ETV6: variants seen among roughly 807,000 people sequenced by gnomAD.
ETV6 encodes ETS variant transcription factor 6.
ETV6 carries 16 observed loss-of-function variants against 51.1 expected under a neutral mutation model. The ratio of observed to expected loss-of-function variants is 0.31; its 90% confidence interval spans 0.21 to 0.48. ETV6 has a LOEUF of 0.48. Among genes scored for constraint, ETV6 ranks in the 20% least tolerant of loss-of-function variants. ETV6 has a pLI of 0.99. For missense variants in ETV6, 458 were observed against 594.8 expected (o/e 0.77, Z 2.39); for synonymous variants, 240 against 224.1 (o/e 1.07, Z -0.64).
intron 1 of ETV6, among the ~76,000 whole-genome samples, chr12:11,650,504 A>AAAC (rs1555109541): frequency 0.057 from 5,315 of 93,980 alleles, 391 homozygotes; most frequent in Admixed American, 0.11. Context: ...AACAAAAAAC[A>AAAC]AAAAAAAAAA....
At chr12:11,754,928 C>A (rs1944985955) in intron 2 of ETV6, among the ~76,000 whole-genome samples, 1 of 152,250 alleles carries the variant, frequency 6.6e-6, no homozygotes, top group Non-Finnish European at 1.5e-5. Context: ...CTCCATGTCA[C>A]ACATAAGGGC....
At chr12:11,881,914 T>A (rs923832670) in intron 5 of ETV6, among the ~76,000 whole-genome samples, 1 of 152,228 alleles carries the variant, frequency 6.6e-6, no homozygotes, top group East Asian at 1.9e-4. Context: ...GTACTTAAGA[T>A]GCTTGGGTTG....
chr12:11,738,824 G>A (rs558826121), intron 1 of ETV6, among the ~76,000 whole-genome samples: 1 of 152,258 alleles, frequency 6.6e-6, no homozygotes, highest in East Asian at 1.9e-4. Flanking sequence ...CTGTTTTACG[G>A]TTCAAACTCA....
chr12:11,681,513 A>G (rs1181361103), intron 1 of ETV6, among the ~76,000 whole-genome samples: 3 of 152,182 alleles, frequency 2.0e-5, no homozygotes, highest in Admixed American at 6.5e-5. Flanking sequence ...TCAGACCACA[A>G]TTTAGTGAAT....
chr12:11,712,155 A>C (rs978918891), intron 1 of ETV6, among the ~76,000 whole-genome samples: 1 of 152,202 alleles, frequency 6.6e-6, no homozygotes, highest in African/African-American at 2.4e-5. Flanking sequence ...ACTTTTTAGC[A>C]ATCTCAGAGA....
chr12:11,657,067 T>A (rs1864013131), intron 1 of ETV6, among the ~76,000 whole-genome samples: 1 of 152,230 alleles, frequency 6.6e-6, no homozygotes, highest in Admixed American at 6.5e-5. Flanking sequence ...CATCTGACTT[T>A]ATACATTTCT....
chr12:11,715,189 A>G (rs1397578196), intron 1 of ETV6, among the ~76,000 whole-genome samples: 1 of 152,204 alleles, frequency 6.6e-6, no homozygotes, highest in Non-Finnish European at 1.5e-5. Flanking sequence ...ACGGAAATAT[A>G]GGCTATTTCT....
At chr12:11,704,638 G>A (rs1302110452) in intron 1 of ETV6, among the ~76,000 whole-genome samples, 1 of 152,090 alleles carries the variant, frequency 6.6e-6, no homozygotes, top group Non-Finnish European at 1.5e-5. Flanking sequence ...GAGCCACCAT[G>A]CCCAGCCTCC....
At chr12:11,678,746 T>G (rs2120733924) in intron 1 of ETV6, among the ~76,000 whole-genome samples, 1 of 152,294 alleles carries the variant, frequency 6.6e-6, no homozygotes, top group Non-Finnish European at 1.5e-5. Context: ...CTGGTGTCAT[T>G]CAATCAGAGT....
intron 5 of ETV6, among the ~76,000 whole-genome samples, chr12:11,875,502 A>G (rs1418073952): frequency 2.0e-5 from 3 of 152,218 alleles, no homozygotes; most frequent in Admixed American, 1.3e-4. Context: ...GTGTCCCACC[A>G]GTGTGTTTCA....
chr12:11,755,535 G>A lies in ETV6; in HGVS notation c.163+2956G>A, dbSNP rs565533705. Among the ~76,000 whole-genome samples the A allele has an allele frequency of 2.0e-5, 3 of 152,174 alleles. No homozygotes were observed. The South Asian group carries it at 6.2e-4, about 32-fold the overall frequency. ...AATGAGGCTGAGCTTCTGTCCTCCC[G>A]CTCCCGTTTCAGGGTTCTGCTGCTT... On this transcript the variant is annotated intron_variant, in intron 2 of 7. Transcript: ENST00000396373.
chr12:11,886,122 C>T lies in ETV6; in HGVS notation c.1253+96C>T. 3 of 830,904 alleles carry T rather than the reference C, an allele frequency of 3.6e-6. No individual in the cohort carries two copies. In the South Asian group the frequency reaches 4.5e-5, roughly 13 times the overall value. 51.5% of individuals were successfully genotyped at this position (830,904 alleles called of 1,614,324 possible). On this transcript the variant is annotated intron_variant, in intron 7 of 7. Transcript: ENST00000396373. ...GGAGACTGTTAAGATCTCTACCTGC[C>T]TATCGGATACCCAAAGCCAATCATT...
intron 2 of ETV6, among the ~76,000 whole-genome samples, chr12:11,828,707 A>G (rs56116163): frequency 0.15 from 23,240 of 151,994 alleles, 2,670 homozygotes; most frequent in African/African-American, 0.33. Context: ...TGAATTCTCA[A>G]AGAATCCTGT....
rs77532135 is a variant in ETV6, at chr12:11,872,117, C to T, written c.1009+2148C>T. 8.9e-3 allele frequency among the ~76,000 whole-genome samples: 1,357 copies of T among 152,282 alleles called. 14 individuals carry two copies. Among genetic ancestry groups the T allele is most frequent in the African/African-American group, 0.03 (1,242 of 41,542 alleles). ...TTTGCTTGTTTATAATTCTCAGGAC[C>T]GCTCTTTAAGGTAGCTCATGACTGC... On this transcript the variant is annotated intron_variant, in intron 5 of 7. Transcript: ENST00000396373.
chr12:11,881,539 C>T (rs1023069288), intron 5 of ETV6, among the ~76,000 whole-genome samples: 1 of 152,206 alleles, frequency 6.6e-6, no homozygotes, highest in African/African-American at 2.4e-5. Context: ...TCATAGACAG[C>T]ACCTTCTTGC....
At chr12:11,785,620 A>C (rs1459098590) in intron 2 of ETV6, among the ~76,000 whole-genome samples, 6 of 152,204 alleles carry the variant, frequency 3.9e-5, no homozygotes, top group Non-Finnish European at 7.3e-5. Flanking sequence ...TACCACCTCT[A>C]CAGTTATAAT....
At chr12:11,725,688 T>C (rs1230974397) in intron 1 of ETV6, among the ~76,000 whole-genome samples, 1 of 152,110 alleles carries the variant, frequency 6.6e-6, no homozygotes, top group East Asian at 1.9e-4. Context: ...CCCTCTTGAG[T>C]AGATTGCTGC....
rs1040537483 is a variant in ETV6 at position 11,892,858 on chromosome 12, A to G, written c.*1812A>G. On this transcript the variant is annotated 3_prime_UTR_variant, in exon 8 of 8. Transcript: ENST00000396373. Reference sequence around the variant, plus strand: ...AACCTAGGGTGCAAACAGATGGACTATGGTTCAAGGACACTGGAATTGAGG... The same window carrying G: ...AACCTAGGGTGCAAACAGATGGACTGTGGTTCAAGGACACTGGAATTGAGG... The G allele has an allele frequency of 4.7e-5, 11 of 232,916 alleles. No individual in the cohort carries two copies. The highest frequency in any genetic ancestry group is 1.8e-4 in the South Asian group (1 of 5,528). 14.4% of individuals were successfully genotyped at this position (232,916 alleles called of 1,614,324 possible).
chr12:11,776,774 T>G (rs1945331904), intron 2 of ETV6, among the ~76,000 whole-genome samples: 1 of 152,216 alleles, frequency 6.6e-6, no homozygotes, highest in African/African-American at 2.4e-5. Flanking sequence ...GAAAACACTT[T>G]TGCTCTTTGG....
Sources: allele counts gnomAD v4.1 joint callset (sites outside exome capture counted in the v4.1 genomes callset), GRCh38; gene constraint gnomAD v4.1.1; transcripts MANE v1.5; gene names NCBI Gene and HGNC (gene_info 2026-07-23, HGNC 2026-07-21).